The following MARK2 variants were observed in gnomAD, a reference collection of about 807,000 sequenced individuals.
MARK2 encodes serine/threonine-protein kinase MARK2.
In MARK2, 16 loss-of-function variants were observed where a neutral mutation model predicts 89.8. That is an observed-to-expected ratio of 0.18 (90% confidence interval 0.12 to 0.27). MARK2 has a LOEUF of 0.27. Ranked by LOEUF, MARK2 falls within the 10% of genes least tolerant of loss-of-function variation. MARK2 has a pLI of 1.00. For synonymous variants in MARK2, 382 were observed against 399.5 expected, an observed-to-expected ratio of 0.96 and a Z score of 0.52; for missense variants, 621 against 1,049.9, an observed-to-expected ratio of 0.59 and a Z score of 5.65.
At chr11:63,891,443 G>T (rs537236767) in intron 1 of MARK2, among the ~76,000 whole-genome samples, 1 of 152,188 alleles carries the variant, frequency 6.6e-6, no homozygotes. Context: ...GGCAGGGAAT[G>T]CTGACCTGCT....
intron 17 of MARK2, among the ~76,000 whole-genome samples, chr11:63,906,505 C>T (rs1941350335): frequency 6.6e-6 from 1 of 151,154 alleles, no homozygotes; most frequent in African/African-American, 2.4e-5. Context: ...CCCTCTCACC[C>T]CAGGTTTTGG....
At chr11:63,869,569 A>T (rs1306384232) in intron 1 of MARK2, among the ~76,000 whole-genome samples, 2 of 152,002 alleles carry the variant, frequency 1.3e-5, no homozygotes, top group African/African-American at 4.8e-5. Context: ...TTGTGAGTAA[A>T]TGAAGTCTAG....
Position 63,902,731 on chromosome 11 carries a change from C to G in MARK2, c.1365C>G (p.Ala455=). ...CCAGCAGCACAGCCAAGGTGCCTGC[C>G]AGCCCCCTGCCCGGTCTGGAGAGGA... The part of the protein sequence containing the change: ...RKASSTAKVP[A]SPLPGLERKK... The change falls in exon 13 of 19, where the codon GCC becomes GCG. Residue 455 remains alanine (A), a synonymous_variant. Transcript: ENST00000402010. This position sits in a 1 kb window ranked among gnomAD's most constrained non-coding sequence, Gnocchi z 4.2. 6.2e-7 allele frequency: 1 copy of G among 1,613,928 alleles called. No homozygotes were observed. The highest frequency in any genetic ancestry group is 1.7e-5 in the Admixed American group (1 of 60,024).
Position 63,910,152 on chromosome 11 carries a change from G to A in MARK2, c.*915G>A, listed in dbSNP as rs919198948. 1.3e-5 allele frequency: 2 copies of A among 152,390 alleles called. No homozygotes were observed. The highest frequency in any genetic ancestry group is 4.8e-5 in the African/African-American group (2 of 41,452). The allele number at this position is 152,390 out of a possible 1,614,324, so 9.4% of individuals were successfully genotyped here. A position where few individuals can be genotyped will look rare whatever the true frequency, so the allele number is the denominator to read the frequency against. On this transcript the variant is annotated 3_prime_UTR_variant, in exon 19 of 19. Transcript: ENST00000402010. ...GCCGCTTGGGCTGTTGGTCTCCAGA[G>A]CAGGGCCACTGGGCACTCTGTGATG... is the stretch of plus-strand genomic sequence containing the variant.
chr11:63,857,062 C>G (rs187721100), intron 1 of MARK2, among the ~76,000 whole-genome samples: 316 of 152,160 alleles, frequency 2.1e-3, no homozygotes, highest in African/African-American at 6.9e-3. Flanking sequence ...CCGCCCGCCT[C>G]GGCCTCCCAA....
Position 63,858,047 on chromosome 11 carries a change from G to T in MARK2, c.54+18487G>T, listed in dbSNP as rs978327648. On this transcript the variant is annotated intron_variant, in intron 1 of 18. Transcript: ENST00000402010. ...ATTATTGTTTTGTTTTGTTTTTTGAGATGGAGTTTTGCTTTGTCACCCAGG... is the reference window on the plus strand; with the variant it reads ...ATTATTGTTTTGTTTTGTTTTTTGATATGGAGTTTTGCTTTGTCACCCAGG... Among the ~76,000 whole-genome samples, 15 of 151,860 alleles carry T rather than the reference G, an allele frequency of 9.9e-5. 1 individual carries two copies. Among genetic ancestry groups the T allele is most frequent in the Admixed American group, 9.2e-4 (14 of 15,224 alleles).
chr11:63,878,801 C>T (rs986304726), intron 1 of MARK2, among the ~76,000 whole-genome samples: 1 of 152,214 alleles, frequency 6.6e-6, no homozygotes. Flanking sequence ...ATTTCCTGTT[C>T]TGGGCTATGG....
chr11:63,851,851 C>T (rs1320430451), intron 1 of MARK2, among the ~76,000 whole-genome samples: 1 of 152,122 alleles, frequency 6.6e-6, no homozygotes, highest in Non-Finnish European at 1.5e-5. Context: ...TTCTGGTTTC[C>T]CTGGTGACAG....
chr11:63,888,071 CAT>C (rs1939510181), intron 1 of MARK2, among the ~76,000 whole-genome samples: 1 of 152,164 alleles, frequency 6.6e-6, no homozygotes, highest in African/African-American at 2.4e-5. Context: ...ACATACACCT[CAT>C]AGGGGGCTTT....
At position 63,904,607 on chromosome 11, in the gene MARK2, C is replaced by T. The variant is rs1387047503; in HGVS notation, c.1677-179C>T. ...TTCCCAAACCATCTCCTTCCACTTC[C>T]ACGAGACTTCCTTCTCACCACTGTC... On this transcript the variant is annotated intron_variant, in intron 15 of 18. Transcript: ENST00000402010. The surrounding 1 kb of genome is among the most constrained non-coding windows in gnomAD (Gnocchi z 6.3). Among the ~76,000 whole-genome samples the T allele has an allele frequency of 6.6e-6, 1 of 152,118 alleles. No homozygotes were observed. The highest frequency in any genetic ancestry group is 1.5e-5 in the Non-Finnish European group (1 of 68,020).
rs1941227588 is a variant in MARK2 at position 63,905,163 on chromosome 11, G to A, written c.1934+120G>A. On this transcript the variant is annotated intron_variant, in intron 16 of 18. Transcript: ENST00000402010. The stretch of plus-strand genomic sequence containing the variant: ...CTCTGTACCGGTATTGGGTCCTGGG[G>A]TTAGAAGAGGCTTCAGGAAGCACAA... 5.2e-6 allele frequency: 6 copies of A among 1,159,850 alleles called. No individual in the cohort carries two copies. The South Asian group carries it at 7.4e-5, about 14-fold the overall frequency. The allele number at this position is 1,159,850 out of a possible 1,614,324, so 71.8% of individuals were successfully genotyped here. A position where few individuals can be genotyped will look rare whatever the true frequency, so the allele number is the denominator to read the frequency against.
intron 1 of MARK2, among the ~76,000 whole-genome samples, chr11:63,852,129 G>A (rs1200290320): frequency 1.3e-5 from 2 of 152,198 alleles, no homozygotes; most frequent in Non-Finnish European, 2.9e-5. Flanking sequence ...GCTAAATGAT[G>A]TGTGGTAACA....
At chr11:63,877,870 A>T (rs1938859093) in intron 1 of MARK2, among the ~76,000 whole-genome samples, 1 of 152,214 alleles carries the variant, frequency 6.6e-6, no homozygotes, top group South Asian at 2.1e-4. Context: ...TTCAGCCTAA[A>T]GCCATAAGCT....
chr11:63,883,852 G>T (rs1463389029), intron 1 of MARK2, among the ~76,000 whole-genome samples: 2 of 152,178 alleles, frequency 1.3e-5, no homozygotes, highest in Admixed American at 6.5e-5. Flanking sequence ...CTCCCAAAGT[G>T]CTGGAATCAG....
At chr11:63,885,935 TG>T (rs1269832362) in intron 1 of MARK2, among the ~76,000 whole-genome samples, 3 of 151,890 alleles carry the variant, frequency 2.0e-5, no homozygotes, top group South Asian at 2.1e-4. Flanking sequence ...GAGACCATCC[TG>T]GCCAACATGG....
chr11:63,902,544 G>C lies in MARK2; in HGVS notation c.1235-57G>C, dbSNP rs961770683. On this transcript the variant is annotated intron_variant, in intron 12 of 18. Transcript: ENST00000402010. The surrounding 1 kb of genome is among the most constrained non-coding windows in gnomAD (Gnocchi z 4.2). ...CCCTGTAGGAAATGAGCATGCGTGG[G>C]GCTGGCACTCAGTGGACCCCTTGGC... 2.0e-6 allele frequency: 3 copies of C among 1,525,472 alleles called. No homozygotes were observed. The highest frequency in any genetic ancestry group is 1.8e-4 in the Middle Eastern group (1 of 5,520). The allele number at this position is 1,525,472 out of a possible 1,614,324, so 94.5% of individuals were successfully genotyped here.
Position 63,900,977 on chromosome 11 carries a change from T to C in MARK2, c.1009T>C (p.Tyr337His), listed in dbSNP as rs1166069686. Residue 337 changes from tyrosine to histidine, a missense_variant, in exon 11 of 19, where the codon TAT (tyrosine) becomes CAT (histidine). By Grantham distance (83) the Tyr-to-His change is moderately conservative. Transcript: ENST00000402010. The surrounding 1 kb of genome is among the most constrained non-coding windows in gnomAD (Gnocchi z 4.7). ...TGCAGAGCTGATGGTGTCCATGGGT[T>C]ATACACGGGAAGAGATCCAGGACTC... ...RRTELMVSMGYTREEIQDSLV... is the reference protein window; with the variant it reads ...RRTELMVSMGHTREEIQDSLV... The C allele has an allele frequency of 1.9e-6, 3 of 1,613,934 alleles. No individual in the cohort carries two copies. In the African/African-American group the frequency reaches 4.0e-5, roughly 22 times the overall value.
intron 1 of MARK2, among the ~76,000 whole-genome samples, chr11:63,881,839 C>T (rs1014136761): frequency 1.3e-5 from 2 of 152,034 alleles, no homozygotes; most frequent in African/African-American, 2.4e-5. Context: ...ACCTGTAGTC[C>T]CAACTATTCG....
intron 1 of MARK2, among the ~76,000 whole-genome samples, chr11:63,880,995 G>GT (rs2135287909): frequency 6.6e-6 from 1 of 152,328 alleles, no homozygotes; most frequent in African/African-American, 2.4e-5. Context: ...GCTGGGCATT[G>GT]TTCTGGGCCA....
Sources: allele counts gnomAD v4.1 joint callset (sites outside exome capture counted in the v4.1 genomes callset), GRCh38; gene constraint gnomAD v4.1.1; non-coding constraint Gnocchi (gnomAD v3.1); transcripts MANE v1.5; gene names NCBI Gene and HGNC (gene_info 2026-07-23, HGNC 2026-07-21).